PGM5: variants seen among roughly 807,000 people sequenced by gnomAD.
The protein encoded by PGM5 is phosphoglucomutase 5.
In PGM5, 23 loss-of-function variants were observed where a neutral mutation model predicts 59.2. That is an observed-to-expected ratio of 0.39 (90% CI 0.28 to 0.55). The LOEUF (loss-of-function observed/expected upper bound fraction) is 0.55, where lower values mean the gene tolerates loss of function less well. Among genes scored for constraint, PGM5 ranks in the 20% least tolerant of loss-of-function variants. PGM5 has a pLI of 0.66. For synonymous variants in PGM5, 214 were observed against 286.0 expected, an observed-to-expected ratio of 0.75 and a Z score of 2.54; for missense variants, 574 against 748.3, an observed-to-expected ratio of 0.77 and a Z score of 2.72.
chr9:68,524,220 C>T (rs994354099), intron 10 of PGM5, among the ~76,000 whole-genome samples: 7 of 152,108 alleles, frequency 4.6e-5, no homozygotes, highest in South Asian at 2.1e-4. Flanking sequence ...AGATAAATAT[C>T]GTAGTGCAAT....
chr9:68,513,680 AT>A (rs1163790981), intron 10 of PGM5, among the ~76,000 whole-genome samples: 3 of 152,144 alleles, frequency 2.0e-5, no homozygotes, highest in South Asian at 2.1e-4. Context: ...ACCTCACCCC[AT>A]TTCCCTAGGA....
chr9:68,503,068 C>A (rs1301348026), intron 10 of PGM5, among the ~76,000 whole-genome samples: 1 of 152,142 alleles, frequency 6.6e-6, no homozygotes, highest in Non-Finnish European at 1.5e-5. Flanking sequence ...CATATTTATT[C>A]ACCTGTCAAA....
At chr9:68,404,767 A>T (rs1430993291) in intron 6 of PGM5, among the ~76,000 whole-genome samples, 3 of 152,172 alleles carry the variant, frequency 2.0e-5, no homozygotes, top group African/African-American at 7.2e-5. Context: ...TGATGCCTGT[A>T]TTTAAGAATG....
intron 10 of PGM5, among the ~76,000 whole-genome samples, chr9:68,514,959 A>T (rs1824803688): frequency 6.6e-6 from 1 of 152,164 alleles, no homozygotes; most frequent in African/African-American, 2.4e-5. Flanking sequence ...CTCAATATCA[A>T]CTCAGCAGTG....
intron 6 of PGM5, among the ~76,000 whole-genome samples, chr9:68,464,050 C>T (rs573984402): frequency 9.2e-5 from 14 of 152,222 alleles, no homozygotes; most frequent in Admixed American, 3.9e-4. Context: ...TTGTTGCATG[C>T]GGCAATAGTT....
At chr9:68,393,342 T>C (rs1164130086) in intron 6 of PGM5, among the ~76,000 whole-genome samples, 2 of 150,252 alleles carry the variant, frequency 1.3e-5, no homozygotes, top group Non-Finnish European at 3.0e-5. Context: ...ATAATATACA[T>C]AATATATATA....
chr9:68,458,971 G>T (rs1823818759), intron 6 of PGM5, among the ~76,000 whole-genome samples: 1 of 152,166 alleles, frequency 6.6e-6, no homozygotes, highest in African/African-American at 2.4e-5. Context: ...GCCCCAGCCA[G>T]CAGTGCTAGA....
intron 7 of PGM5, chr9:68,466,691 T>G (rs1480351475): frequency 6.5e-6 from 1 of 152,818 alleles, no homozygotes; most frequent in Non-Finnish European, 1.5e-5. Context: ...TAACCTTCAG[T>G]GTACCACAGG....
intron 9 of PGM5, 23 bp downstream of exon 9, chr9:68,484,071 A>G (rs10868913): frequency 0.065 from 104,145 of 1,607,120 alleles, 8,076 homozygotes; most frequent in East Asian, 0.41. Context: ...AAATCACTAC[A>G]ACGGGTTATC....
rs559016850 is a variant in PGM5 at position 68,453,346 on chromosome 9, G to T, written c.1044-11747G>T. On this transcript the variant is annotated intron_variant, in intron 6 of 10. Coordinates refer to ENST00000396396, the MANE Select transcript of PGM5 (RefSeq NM_021965.4). Reference sequence around the variant, plus strand: ...AATTTTATCTTAAACTTTCTGGTTTGGTTTTGTTTTTTGAGACAGGGTCTT... The same window carrying T: ...AATTTTATCTTAAACTTTCTGGTTTTGTTTTGTTTTTTGAGACAGGGTCTT... 1.1e-4 allele frequency among the ~76,000 whole-genome samples: 16 copies of T among 152,080 alleles called. 1 individual carries two copies. Among genetic ancestry groups the T allele is most frequent in the Middle Eastern group, 6.8e-3 (2 of 294 alleles).
At chr9:68,418,269 T>C (rs1554682131) in intron 6 of PGM5, among the ~76,000 whole-genome samples, 1 of 152,158 alleles carries the variant, frequency 6.6e-6, no homozygotes, top group African/African-American at 2.4e-5. Context: ...TAGAATGTTG[T>C]TGTATTTACT....
chr9:68,423,674 T>A (rs1823186276), intron 6 of PGM5, among the ~76,000 whole-genome samples: 1 of 152,124 alleles, frequency 6.6e-6, no homozygotes, highest in African/African-American at 2.4e-5. Flanking sequence ...TCTCTCTCTC[T>A]CTCTCTCTGC....
At chr9:68,411,112 C>T (rs1419182819) in intron 6 of PGM5, among the ~76,000 whole-genome samples, 1 of 152,050 alleles carries the variant, frequency 6.6e-6, no homozygotes, top group Admixed American at 6.5e-5. Context: ...CCATATTTGT[C>T]CTATTTTGTG....
intron 6 of PGM5, 40 bp downstream of exon 6, chr9:68,392,513 C>T (rs782617463): frequency 1.2e-6 from 2 of 1,601,412 alleles, no homozygotes; most frequent in South Asian, 1.1e-5. Flanking sequence ...TATGGTAGAC[C>T]TTTGGCGTTG....
intron 7 of PGM5, among the ~76,000 whole-genome samples, chr9:68,465,929 A>G (rs11142543): frequency 0.15 from 23,078 of 152,084 alleles, 3,453 homozygotes; most frequent in East Asian, 0.37. Context: ...GCATGTATGT[A>G]TTTAACCCTA....
At position 68,484,577 on chromosome 9, in the gene PGM5, CA is replaced by C. The variant is rs59632919; in HGVS notation, c.1479+533del. On this transcript the variant is annotated intron_variant, in intron 9 of 10. Coordinates refer to ENST00000396396, the MANE Select transcript of PGM5 (RefSeq NM_021965.4). The stretch of plus-strand genomic sequence containing the variant: ...ACACACACACACACACACACACACA[CA>C]AAACAAAACAAACAAAAAACAAAAA... Among the ~76,000 whole-genome samples, 767 of 111,266 alleles carry C rather than the reference CA, an allele frequency of 6.9e-3. 7 individuals carry two copies. Among genetic ancestry groups the C allele is most frequent in the African/African-American group, 0.023 (706 of 31,046 alleles). The allele number at this position is 111,266 out of a possible 152,430, so 73.0% of individuals were successfully genotyped here.
chr9:68,443,405 G>C (rs1377153726), intron 6 of PGM5, among the ~76,000 whole-genome samples: 1 of 152,032 alleles, frequency 6.6e-6, no homozygotes, highest in Non-Finnish European at 1.5e-5. Context: ...GTGGTTGATG[G>C]AAATGTTATG....
At chr9:68,414,355 C>T (rs1822985478) in intron 6 of PGM5, among the ~76,000 whole-genome samples, 1 of 152,174 alleles carries the variant, frequency 6.6e-6, no homozygotes, top group Admixed American at 6.5e-5. Context: ...TGAGATAAAT[C>T]CAGGAGCTTC....
chr9:68,376,648 T>A (rs1338323274), intron 1 of PGM5, among the ~76,000 whole-genome samples: 1 of 152,060 alleles, frequency 6.6e-6, no homozygotes, highest in Non-Finnish European at 1.5e-5. Context: ...TAAAGTTTGT[T>A]TTGGCTTGTC....
Sources: gnomAD v4.1 joint callset for allele counts (sites outside exome capture counted in the v4.1 genomes callset) on GRCh38, gnomAD v4.1.1 for gene constraint, MANE v1.5 for transcripts, NCBI Gene and HGNC (gene_info 2026-07-23, HGNC 2026-07-21) for gene names.